CHD1: variants seen among roughly 807,000 people sequenced by gnomAD.
CHD1 encodes ATP-dependent chromatin remodeler CHD1.
CHD1 carries 36 observed loss-of-function variants against 224.2 expected under a neutral mutation model. That is an observed-to-expected ratio of 0.16 (90% CI 0.12 to 0.21). CHD1 has a LOEUF of 0.21. Ranked by LOEUF, CHD1 falls within the 10% of genes least tolerant of loss-of-function variation. The probability of loss-of-function intolerance (pLI) is 1.00; values close to 1 mark genes in which losing one functional copy is unlikely to be tolerated. For missense variants in CHD1, 1,378 were observed against 1,994.8 expected, an observed-to-expected ratio of 0.69 and a Z score of 5.89; for synonymous variants, 668 against 658.3, an observed-to-expected ratio of 1.01 and a Z score of -0.23.
Position 98,858,350 on chromosome 5 carries a change from G to A in CHD1, c.4617C>T (p.Ser1539=). 6.2e-7 allele frequency: 1 copy of A among 1,612,950 alleles called. No homozygotes were observed. The highest frequency in any genetic ancestry group is 8.5e-7 in the Non-Finnish European group (1 of 1,179,112). Residue 1539 remains serine (S), a synonymous_variant, in exon 35 of 36, where the codon AGC becomes AGT. Transcript: ENST00000614616. ...RLKENTNHDD[S]SRDSYSSDRH... is the part of the protein sequence containing the mutation. Reference sequence around the variant, plus strand: ...TATCAGAGGAATAACTGTCCCTGCTGCTATCATCGTGATTTGTATTCTCTT... The same window carrying A: ...TATCAGAGGAATAACTGTCCCTGCTACTATCATCGTGATTTGTATTCTCTT...
At chr5:98,862,617 C>T (rs186715083) in intron 32 of CHD1, among the ~76,000 whole-genome samples, 2 of 152,224 alleles carry the variant, frequency 1.3e-5, no homozygotes, top group Admixed American at 6.5e-5. Flanking sequence ...ACCAAATTCA[C>T]TGTGTAATTT....
intron 2 of CHD1, among the ~76,000 whole-genome samples, chr5:98,922,885 A>C (rs1333196524): frequency 6.6e-6 from 1 of 152,134 alleles, no homozygotes; most frequent in Non-Finnish European, 1.5e-5. Flanking sequence ...GCTACTCGGG[A>C]GGCTGAGGCA....
chr5:98,912,634 G>A (rs1426073750), intron 2 of CHD1, among the ~76,000 whole-genome samples: 1 of 151,948 alleles, frequency 6.6e-6, no homozygotes, highest in African/African-American at 2.4e-5. Flanking sequence ...TTGAGCCATG[G>A]TACTCCATCC....
chr5:98,868,568 T>C lies in CHD1; in HGVS notation c.4175A>G (p.His1392Arg). The change falls in exon 31 of 36, where the codon CAT becomes CGT. Residue 1392 changes from histidine (H) to arginine (R), a missense_variant. His to Arg is a conservative substitution (Grantham distance 29). This residue lies in a region of CHD1 where 105 missense variants were observed against 93.4 expected (regional missense o/e 1.12). Transcript: ENST00000614616. ...KKSSVSDAPV[H>R]ITASGEPVPI... ...AACTGGTTCACCACTTGCCGTGATA[T>C]GAACTGGAGCATCTGACACTGAAGA... is the stretch of plus-strand genomic sequence containing the variant. 6.2e-7 allele frequency: 1 copy of C among 1,612,310 alleles called. No homozygotes were observed. The highest frequency in any genetic ancestry group is 1.3e-5 in the African/African-American group (1 of 74,922).
intron 2 of CHD1, among the ~76,000 whole-genome samples, chr5:98,920,893 G>A (rs1042813432): frequency 1.3e-5 from 2 of 151,944 alleles, no homozygotes; most frequent in African/African-American, 4.8e-5. Context: ...GAAAACTAAG[G>A]AAAGACTTAG....
intron 35 of CHD1, among the ~76,000 whole-genome samples, chr5:98,857,211 T>C (rs543847580): frequency 8.5e-5 from 13 of 152,260 alleles, no homozygotes; most frequent in African/African-American, 3.1e-4. Flanking sequence ...ACTAGTTATA[T>C]AGTAAGACTC....
intron 12 of CHD1, among the ~76,000 whole-genome samples, chr5:98,895,246 C>A (rs1370821293): frequency 6.6e-6 from 1 of 150,636 alleles, no homozygotes; most frequent in South Asian, 2.1e-4. Flanking sequence ...ACGAAAAGGT[C>A]TTATTTAAGA....
At chr5:98,892,343 T>C (rs1751077363) in intron 15 of CHD1, among the ~76,000 whole-genome samples, 182 bp downstream of exon 15, 1 of 152,218 alleles carries the variant, frequency 6.6e-6, no homozygotes, top group African/African-American at 2.4e-5. Flanking sequence ...CTCATAATTT[T>C]GGATATGTCA....
At chr5:98,867,412 G>C (rs949344925) in intron 31 of CHD1, among the ~76,000 whole-genome samples, 2 of 152,020 alleles carry the variant, frequency 1.3e-5, no homozygotes, top group African/African-American at 2.4e-5. Context: ...CAAAACATTA[G>C]GCTCATATTT....
chr5:98,922,571 AGAAAAAG>A (rs1197338088), intron 2 of CHD1, among the ~76,000 whole-genome samples: 1 of 152,250 alleles, frequency 6.6e-6, no homozygotes, highest in Non-Finnish European at 1.5e-5. Flanking sequence ...CTTTCACAAA[AGAAAAAG>A]GAAATTTTGA....
chr5:98,904,843 T>A, intron 3 of CHD1, 54 bp downstream of exon 3: 5 of 1,501,760 alleles, frequency 3.3e-6, no homozygotes, highest in Non-Finnish European at 4.6e-6. Context: ...ATCCTCTAAA[T>A]TTTCCCAAAG....
intron 4 of CHD1, 126 bp from the exon 5 acceptor site, chr5:98,903,090 A>G: frequency 2.0e-6 from 1 of 505,214 alleles, no homozygotes; most frequent in Non-Finnish European, 3.5e-6. Flanking sequence ...CCTTTTTTCA[A>G]TGTAGTTTTA....
At chr5:98,860,276 A>G in intron 32 of CHD1, 1 of 530,022 alleles carries the variant, frequency 1.9e-6, no homozygotes, top group Non-Finnish European at 3.5e-6. Context: ...ATTAAATTTT[A>G]CTTCTCTTCC....
chr5:98,883,306 C>CCTG, intron 18 of CHD1, 69 bp from the exon 19 acceptor site: 1 of 1,023,326 alleles, frequency 9.8e-7, no homozygotes, highest in Non-Finnish European at 1.4e-6. Context: ...CAGTATGGTA[C>CCTG]TAATTAAACA....
At chr5:98,904,537 A>C (rs1295211347) in intron 3 of CHD1, among the ~76,000 whole-genome samples, 2 of 152,206 alleles carry the variant, frequency 1.3e-5, no homozygotes, top group African/African-American at 4.8e-5. Context: ...TCTCCTTTGA[A>C]GCTCTTGAAA....
At chr5:98,879,245 G>T (rs1749989696) in intron 23 of CHD1, among the ~76,000 whole-genome samples, 1 of 151,630 alleles carries the variant, frequency 6.6e-6, no homozygotes, top group Non-Finnish European at 1.5e-5. Flanking sequence ...AAAGAAAAAA[G>T]AAAAGAAAAG....
At chr5:98,894,518 C>A in intron 13 of CHD1, 79 bp downstream of exon 13, 1 of 482,848 alleles carries the variant, frequency 2.1e-6, no homozygotes, top group Non-Finnish European at 3.8e-6. Context: ...TTAGGCTATT[C>A]TCTCATCTTG....
chr5:98,913,007 A>G (rs189570535), intron 2 of CHD1, among the ~76,000 whole-genome samples: 24 of 152,306 alleles, frequency 1.6e-4, no homozygotes, highest in Admixed American at 3.3e-4. Context: ...AAGGTAAACT[A>G]ATTTTCCACA....
In CHD1 at chr5:98,879,628, C is replaced by T. The variant is rs768256433; in HGVS notation, c.3161G>A (p.Arg1054Gln). ...EEIIPEDQRR[R>Q]LEEEERQKEL... Reference sequence around the variant, plus strand: ...CTTTTGTCTTTCTTCTTCTTCTAATCGTCTTCTTTGATCTTCTGGAATAAT... The same window carrying T: ...CTTTTGTCTTTCTTCTTCTTCTAATTGTCTTCTTTGATCTTCTGGAATAAT... Residue 1054 changes from arginine (R) to glutamine (Q), a missense_variant, in exon 23 of 36, where the codon CGA becomes CAA. Arg to Gln is a conservative substitution (Grantham distance 43). Around this residue, in one of 16 missense-constraint regions of CHD1, gnomAD observed 286 missense variants for 445.1 expected, o/e 0.64. Coordinates refer to ENST00000614616, the MANE Select transcript of CHD1 (RefSeq NM_001270.4). 14 of 1,608,396 alleles carry T rather than the reference C, an allele frequency of 8.7e-6. No individual in the cohort carries two copies. The highest frequency in any genetic ancestry group is 2.2e-5 in the East Asian group (1 of 44,708).
Sources: gnomAD v4.1 joint callset for allele counts (sites outside exome capture counted in the v4.1 genomes callset) on GRCh38, gnomAD v4.1.1 for gene constraint, gnomAD v4.1.1 regional missense constraint, MANE v1.5 for transcripts, NCBI Gene and HGNC (gene_info 2026-07-23, HGNC 2026-07-21) for gene names.